The following TTLL8 variants were observed in gnomAD, a reference collection of about 807,000 sequenced individuals.
TTLL8 encodes protein monoglycylase TTLL8.
TTLL8 carries 65 observed loss-of-function variants against 77.8 expected under a neutral mutation model. The ratio of observed to expected loss-of-function variants is 0.84; its 90% CI spans 0.68 to 1.03. The LOEUF is 1.03. Among genes scored for constraint, TTLL8 ranks in the 50% least tolerant of loss-of-function variants. TTLL8 has a pLI of 0.00. For missense variants in TTLL8, 910 were observed against 1,004.5 expected, an observed-to-expected ratio of 0.91 and a Z score of 1.27; for synonymous variants, 402 against 422.8, an observed-to-expected ratio of 0.95 and a Z score of 0.60.
At chr22:50,049,528 C>T (rs146970039) in intron 2 of TTLL8, among the ~76,000 whole-genome samples, 194 of 152,318 alleles carry the variant, frequency 1.3e-3, no homozygotes, top group Non-Finnish European at 2.4e-3. Context: ...ATCCAATGAG[C>T]GTCCACCGCA....
intron 12 of TTLL8, among the ~76,000 whole-genome samples, chr22:50,023,955 G>T (rs950271749): frequency 5.3e-5 from 8 of 152,022 alleles, no homozygotes; most frequent in African/African-American, 1.7e-4. Context: ...AGGAGGCAGA[G>T]GTTGCAATGA....
At chr22:50,043,783 G>A (rs986234873) in intron 6 of TTLL8, among the ~76,000 whole-genome samples, 4 of 152,162 alleles carry the variant, frequency 2.6e-5, no homozygotes, top group East Asian at 1.9e-4. Context: ...TCCATGCTAC[G>A]TGGTTCTAAC....
chr22:50,048,563 C>A (rs571919141), intron 3 of TTLL8, among the ~76,000 whole-genome samples: 1 of 152,288 alleles, frequency 6.6e-6, no homozygotes, highest in African/African-American at 2.4e-5. Flanking sequence ...CCACTGCCCA[C>A]GGACCTGTGG....
At chr22:50,055,682 T>A (rs2061467184), upstream of TTLL8, among the ~76,000 whole-genome samples, 2 of 149,516 alleles carry the variant, frequency 1.3e-5, no homozygotes, top group Admixed American at 6.7e-5. Context: ...AAGACATTCG[T>A]CTGATGAGGC....
intron 1 of TTLL8, among the ~76,000 whole-genome samples, chr22:50,053,079 G>T (rs758492418): frequency 6.6e-6 from 1 of 151,992 alleles, no homozygotes; most frequent in African/African-American, 2.4e-5. Flanking sequence ...AAAATTAGCC[G>T]AGCATGGTGG....
rs1403890192 is a variant in TTLL8 at position 50,034,273 on chromosome 22, C to G, written c.1039+72G>C. On this transcript the variant is annotated intron_variant, in intron 9 of 13. Transcript: ENST00000266182. The surrounding 1 kb of genome is among the most constrained non-coding windows in gnomAD (Gnocchi z 4.1). ...TGTGGTGCTGTGGGCCTGAAACTGTCCCTCACTCACGGCTCCTGGCATCAA... is the reference window on the plus strand; with the variant it reads ...TGTGGTGCTGTGGGCCTGAAACTGTGCCTCACTCACGGCTCCTGGCATCAA... 3 of 1,292,884 alleles carry G rather than the reference C, an allele frequency of 2.3e-6. No individual in the cohort carries two copies. The highest frequency in any genetic ancestry group is 4.8e-5 in the East Asian group (1 of 20,656). The allele number at this position is 1,292,884 out of a possible 1,614,324, so 80.1% of individuals were successfully genotyped here.
exon 2 of TTLL8, chr22:50,050,131 C>G (rs1369505884): frequency 1.5e-6 from 2 of 1,367,258 alleles, no homozygotes; most frequent in Admixed American, 1.9e-5. Context: ...CGCCTTCATC[C>G]TCGACATCCG....
intron 12 of TTLL8, among the ~76,000 whole-genome samples, chr22:50,019,929 CT>C (rs1412701366): frequency 3.3e-5 from 5 of 152,064 alleles, no homozygotes; most frequent in African/African-American, 1.2e-4. Context: ...AAAACATAAG[CT>C]TATATAATGA....
upstream of TTLL8, among the ~76,000 whole-genome samples, chr22:50,057,374 GGATC>G (rs1569236972): frequency 9.6e-6 from 1 of 103,748 alleles, no homozygotes; most frequent in African/African-American, 4.7e-5. Flanking sequence ...CTGGGTTGGG[GGATC>G]AGGTCTGGGT....
At chr22:50,036,810 C>G (rs1368928224) in intron 8 of TTLL8, among the ~76,000 whole-genome samples, 2 of 152,040 alleles carry the variant, frequency 1.3e-5, no homozygotes, top group African/African-American at 4.8e-5. Context: ...TTTTGCCAGG[C>G]TGGTCTCAAA....
chr22:50,026,067 G>A (rs137888), intron 12 of TTLL8, among the ~76,000 whole-genome samples: 67,819 of 152,070 alleles, frequency 0.45, 15,680 homozygotes, highest in Admixed American at 0.51. Flanking sequence ...CCCCGTAAAG[G>A]CCAGAACAGG....
chr22:50,041,869 C>T lies in TTLL8; in HGVS notation c.644-62G>A, dbSNP rs2061373839. On this transcript the variant is annotated intron_variant, in intron 6 of 13. Coordinates refer to ENST00000266182, the Ensembl canonical transcript of TTLL8. The surrounding 1 kb of genome is among the most constrained non-coding windows in gnomAD (Gnocchi z 4.3). ...CACCCAGGGGCAGCCCTGCCCGCCT[C>T]GAGGGGTGATGTCTAAAGTCATGGA... The T allele has an allele frequency of 2.3e-6, 3 of 1,283,734 alleles. No homozygotes were observed. The highest frequency in any genetic ancestry group is 2.6e-5 in the Admixed American group (1 of 38,792). 79.5% of individuals were successfully genotyped at this position (1,283,734 alleles called of 1,614,324 possible).
intron 3 of TTLL8, 121 bp downstream of exon 5, chr22:50,049,128 G>T: frequency 7.6e-7 from 1 of 1,310,986 alleles, no homozygotes; most frequent in Admixed American, 2.1e-5. Flanking sequence ...CTGTGACTGG[G>T]GCTTTGCCCT....
chr22:50,041,232 CT>C lies in TTLL8; in HGVS notation c.875del (p.Gln292ArgfsTer4). 2 of 485,680 alleles carry C rather than the reference CT, an allele frequency of 4.1e-6. No individual in the cohort carries two copies. The highest frequency in any genetic ancestry group is 3.3e-4 in the Middle Eastern group (1 of 2,996). 30.1% of individuals were successfully genotyped at this position (485,680 alleles called of 1,614,324 possible). Reference sequence around the variant, plus strand: ...GGGGCTCAAATGACATCATAACCTTCTGGATTTTGAAGATGCACAAGACAAT... The same window carrying C: ...GGGGCTCAAATGACATCATAACCTTCGGATTTTGAAGATGCACAAGACAAT... On this transcript the variant is annotated frameshift_variant, in exon 8 of 14. Transcript: ENST00000266182. LOFTEE classifies it high-confidence loss of function. This position sits in a 1 kb window ranked among gnomAD's most constrained non-coding sequence, Gnocchi z 4.3.
At chr22:50,035,644 C>T (rs975041949) in intron 8 of TTLL8, among the ~76,000 whole-genome samples, 2 of 152,174 alleles carry the variant, frequency 1.3e-5, no homozygotes, top group Non-Finnish European at 2.9e-5. Flanking sequence ...GCCAGCCCCC[C>T]GCGCCCCTGA....
rs1451306392 is a variant in TTLL8 at position 50,044,211 on chromosome 22, G to T, written c.643+1044C>A. On this transcript the variant is annotated intron_variant, in intron 6 of 13. Coordinates refer to ENST00000266182, the Ensembl canonical transcript of TTLL8. This position sits in a 1 kb window ranked among gnomAD's most constrained non-coding sequence, Gnocchi z 4.2. ...CGTGGTGGTGGGCACCCAACTACTC[G>T]GGAGGCTGAGACAGGAGAATCGCTT... 1.3e-5 allele frequency among the ~76,000 whole-genome samples: 2 copies of T among 151,926 alleles called. No homozygotes were observed. The highest frequency in any genetic ancestry group is 2.4e-5 in the African/African-American group (1 of 41,352).
chr22:50,035,499 C>T (rs985647006), intron 8 of TTLL8, among the ~76,000 whole-genome samples: 2 of 152,190 alleles, frequency 1.3e-5, no homozygotes, highest in African/African-American at 2.4e-5. Context: ...GGACTGAAGG[C>T]GACCTCAGGC....
chr22:50,045,146 C>T (rs932170023), intron 6 of TTLL8, 109 bp downstream of exon 8: 2 of 1,176,040 alleles, frequency 1.7e-6, no homozygotes, highest in African/African-American at 3.2e-5. Flanking sequence ...CTGTATCCAG[C>T]CCCGGCTGCT....
intron 12 of TTLL8, among the ~76,000 whole-genome samples, chr22:50,024,665 A>C (rs2061221861): frequency 6.6e-6 from 1 of 152,260 alleles, no homozygotes; most frequent in Non-Finnish European, 1.5e-5. Flanking sequence ...GCATATACAC[A>C]GACGGGGTGA....
Sources: gnomAD v4.1 joint callset for allele counts (sites outside exome capture counted in the v4.1 genomes callset) on GRCh38, gnomAD v4.1.1 for gene constraint, Gnocchi (gnomAD v3.1) non-coding constraint, MANE v1.5 for transcripts, NCBI Gene and HGNC (gene_info 2026-07-23, HGNC 2026-07-21) for gene names.